Variants in SPTLC1 observed in about 807,000 individuals in gnomAD.
The protein encoded by SPTLC1 is serine palmitoyltransferase long chain base subunit 1.
In SPTLC1, 55 loss-of-function variants were observed where a neutral mutation model predicts 68.9. The ratio of observed to expected loss-of-function variants is 0.80; its 90% CI spans 0.64 to 1.00. The LOEUF (loss-of-function observed/expected upper bound fraction) is 1.00, where lower values mean the gene tolerates loss of function less well. Ranked by LOEUF, SPTLC1 falls within the 50% of genes least tolerant of loss-of-function variation. The pLI is 0.00. For synonymous variants in SPTLC1, 197 were observed against 201.6 expected (o/e 0.98, Z 0.19); for missense variants, 449 against 573.1 (o/e 0.78, Z 2.21).
Position 92,069,235 on chromosome 9 carries a change from T to C in SPTLC1, c.428-1137A>G, listed in dbSNP as rs1195808863. Among the ~76,000 whole-genome samples the C allele has an allele frequency of 2.0e-5, 3 of 152,200 alleles. No individual in the cohort carries two copies. The East Asian group carries it at 5.8e-4, about 29-fold the overall frequency. On this transcript the variant is annotated intron_variant, in intron 5 of 14. Coordinates refer to ENST00000262554, the MANE Select transcript of SPTLC1 (RefSeq NM_006415.4). The stretch of plus-strand genomic sequence containing the variant: ...ACGGCCTGGCAGGAGGCAGTATATT[T>C]ACAGACTTCCTAAAGAACGTTACAA...
At chr9:92,045,523 G>GT (rs1251269235) in intron 12 of SPTLC1, among the ~76,000 whole-genome samples, 10 of 16,766 alleles carry the variant, frequency 6.0e-4, no homozygotes, top group Non-Finnish European at 8.6e-4. Flanking sequence ...CTCTTGTGTA[G>GT]TAAAAAAAAA....
chr9:92,034,560 G>A (rs1176364649), intron 14 of SPTLC1, among the ~76,000 whole-genome samples: 1 of 152,130 alleles, frequency 6.6e-6, no homozygotes, highest in East Asian at 1.9e-4. Context: ...GTTTGCCCAA[G>A]TTCATTGCTG....
chr9:92,058,759 C>T (rs1833982362), intron 7 of SPTLC1, among the ~76,000 whole-genome samples: 1 of 152,152 alleles, frequency 6.6e-6, no homozygotes, highest in Non-Finnish European at 1.5e-5. Context: ...ATATAATAAG[C>T]TTGCTGCCAT....
chr9:92,094,008 C>T (rs1463903888), intron 3 of SPTLC1, among the ~76,000 whole-genome samples: 1 of 152,102 alleles, frequency 6.6e-6, no homozygotes, highest in Non-Finnish European at 1.5e-5. Flanking sequence ...AGTTGAACAG[C>T]CAGGTATAAA....
Position 92,108,962 on chromosome 9 carries a change from T to C in SPTLC1, c.166-128A>G, listed in dbSNP as rs546998008. The C allele has an allele frequency of 2.7e-4, 387 of 1,422,714 alleles. No individual in the cohort carries two copies. The African/African-American group carries it at 5.1e-3, about 19-fold the overall frequency. 88.1% of individuals were successfully genotyped at this position (1,422,714 alleles called of 1,614,324 possible). A position where few individuals can be genotyped will look rare whatever the true frequency, so the allele number is the denominator to read the frequency against. On this transcript the variant is annotated intron_variant, in intron 2 of 14. Coordinates refer to ENST00000262554, the MANE Select transcript of SPTLC1 (RefSeq NM_006415.4). ...TTCTCAAGTTCGCTGTCACTCTTAT[T>C]CAAGCTTATGTCTTCACACTATTAG...
chr9:92,071,464 A>G (rs989898415), intron 5 of SPTLC1, among the ~76,000 whole-genome samples: 2 of 152,218 alleles, frequency 1.3e-5, no homozygotes, highest in African/African-American at 2.4e-5. Flanking sequence ...TCTTAAGAGT[A>G]TAAGTGATAG....
rs935525673 is a variant in SPTLC1 at position 92,038,602 on chromosome 9, C to A, written c.1137-237G>T. 7 of 531,376 alleles carry A rather than the reference C, an allele frequency of 1.3e-5. No homozygotes were observed. The South Asian group carries it at 1.4e-4, about 11-fold the overall frequency. The allele number at this position is 531,376 out of a possible 1,614,324, so 32.9% of individuals were successfully genotyped here. A position where few individuals can be genotyped will look rare whatever the true frequency, so the allele number is the denominator to read the frequency against. On this transcript the variant is annotated intron_variant, in intron 12 of 14. Transcript: ENST00000262554. ...TGGCTTCCTGAGTGCAGGACCGGGTCTCATGGCCCCAGCCTCCCACCAGGG... is the reference window on the plus strand; with the variant it reads ...TGGCTTCCTGAGTGCAGGACCGGGTATCATGGCCCCAGCCTCCCACCAGGG...
At chr9:92,090,406 C>T (rs555743607) in intron 3 of SPTLC1, among the ~76,000 whole-genome samples, 3 of 152,154 alleles carry the variant, frequency 2.0e-5, no homozygotes, top group South Asian at 2.1e-4. Context: ...GTCAGGAGTC[C>T]GAGACCAGCC....
chr9:92,098,888 G>C (rs983327804), intron 3 of SPTLC1, among the ~76,000 whole-genome samples: 1 of 146,606 alleles, frequency 6.8e-6, no homozygotes, highest in Non-Finnish European at 1.5e-5. Flanking sequence ...TGGAGCAGGA[G>C]AAAGAACAAA....
chr9:92,053,797 A>G (rs1833791070), intron 8 of SPTLC1: 1 of 215,342 alleles, frequency 4.6e-6, no homozygotes, highest in South Asian at 1.6e-4. Flanking sequence ...AATGGGTTTG[A>G]GGTCTTCTTC....
chr9:92,047,203 A>G lies in SPTLC1; in HGVS notation c.1050T>C (p.Ile350=), dbSNP rs1408084540. ...TCTCTTCCATGATGTTGAGGGCCTCAATTGCTGCAGCAGCTAACAGGGGAG... is the reference window on the plus strand; with the variant it reads ...TCTCTTCCATGATGTTGAGGGCCTCGATTGCTGCAGCAGCTAACAGGGGAG... ...SLPPLLAAAA[I]EALNIMEENP... is the part of the protein sequence containing the mutation. Residue 350 remains isoleucine, a synonymous_variant, in exon 11 of 15, where the codon ATT becomes ATC. Coordinates refer to ENST00000262554, the MANE Select transcript of SPTLC1 (RefSeq NM_006415.4). 1.9e-6 allele frequency: 3 copies of G among 1,614,134 alleles called. No individual in the cohort carries two copies. The South Asian group carries it at 3.3e-5, about 18-fold the overall frequency.
intron 3 of SPTLC1, among the ~76,000 whole-genome samples, chr9:92,098,473 C>A (rs1361658528): frequency 6.6e-6 from 1 of 152,124 alleles, no homozygotes; most frequent in Non-Finnish European, 1.5e-5. Flanking sequence ...CAGTGCCCTT[C>A]CATTGCCTTT....
chr9:92,045,524 TA>T (rs71362367), intron 12 of SPTLC1, among the ~76,000 whole-genome samples: 165 of 31,620 alleles, frequency 5.2e-3, no homozygotes, highest in East Asian at 0.014. Flanking sequence ...TCTTGTGTAG[TA>T]AAAAAAAAAA....
chr9:92,033,375 T>G (rs1236896882), intron 14 of SPTLC1, among the ~76,000 whole-genome samples: 2 of 152,154 alleles, frequency 1.3e-5, no homozygotes, highest in Admixed American at 6.5e-5. Context: ...AATAATAGCT[T>G]GAAAGGACAA....
intron 11 of SPTLC1, among the ~76,000 whole-genome samples, chr9:92,046,665 A>G (rs1833524120): frequency 6.6e-6 from 1 of 152,072 alleles, no homozygotes; most frequent in Admixed American, 6.5e-5. Context: ...GCCAAAGGCC[A>G]CATTTTAAAT....
At chr9:92,059,122 A>C in intron 7 of SPTLC1, 57 bp downstream of exon 7, 4 of 1,590,714 alleles carry the variant, frequency 2.5e-6, no homozygotes, top group Non-Finnish European at 3.4e-6. Context: ...TTCATATATA[A>C]TTTAGCTGGT....
At chr9:92,074,574 A>G (rs1323544248) in intron 5 of SPTLC1, among the ~76,000 whole-genome samples, 2 of 151,938 alleles carry the variant, frequency 1.3e-5, no homozygotes, top group Non-Finnish European at 2.9e-5. Context: ...CCATTGAAAC[A>G]TGGCCACCCT....
chr9:92,066,314 G>A (rs1834282866), intron 6 of SPTLC1, among the ~76,000 whole-genome samples: 1 of 152,178 alleles, frequency 6.6e-6, no homozygotes. Flanking sequence ...GTGTGAGCAT[G>A]GATAAACAAG....
intron 3 of SPTLC1, among the ~76,000 whole-genome samples, chr9:92,081,882 C>A (rs2118687156): frequency 6.6e-6 from 1 of 152,284 alleles, no homozygotes; most frequent in South Asian, 2.1e-4. Flanking sequence ...TACCTTTTAA[C>A]AGCATTGGTC....
Sources: gnomAD v4.1 joint callset for allele counts (sites outside exome capture counted in the v4.1 genomes callset) on GRCh38, gnomAD v4.1.1 for gene constraint, MANE v1.5 for transcripts, NCBI Gene and HGNC (gene_info 2026-07-23, HGNC 2026-07-21) for gene names.